The following OPCML variants were observed in gnomAD, a reference collection of about 807,000 sequenced individuals.
OPCML encodes opioid-binding protein/cell adhesion molecule.
OPCML carries 13 observed loss-of-function variants against 37.8 expected under a neutral mutation model. The ratio of observed to expected loss-of-function variants is 0.34; its 90% confidence interval spans 0.22 to 0.55. The LOEUF (loss-of-function observed/expected upper bound fraction) is 0.55, where lower values mean the gene tolerates loss of function less well. OPCML is among the 20% of genes least tolerant of loss of function. The pLI, the probability that OPCML is intolerant of heterozygous loss-of-function variation, is 0.91. For missense variants in OPCML, 341 were observed against 435.6 expected (o/e 0.78, Z 1.93); for synonymous variants, 176 against 168.8 (o/e 1.04, Z -0.33).
At chr11:132,583,480 T>A (rs907651291) in intron 3 of OPCML, among the ~76,000 whole-genome samples, 11 of 152,144 alleles carry the variant, frequency 7.2e-5, no homozygotes, top group African/African-American at 2.2e-4. Flanking sequence ...TTATTTTTTT[T>A]ATGAAATTGT....
In OPCML at chr11:132,909,927, T is replaced by C. The variant is rs574313134; in HGVS notation, c.146+32999A>G. Among the ~76,000 whole-genome samples, 3 of 152,358 alleles carry C rather than the reference T, an allele frequency of 2.0e-5. No individual in the cohort carries two copies. The South Asian group carries it at 6.2e-4, about 32-fold the overall frequency. ...AATAACCCTGGATTATTGTGTCGTG[T>C]TATTACATTTATAAAATGGCATTTC... On this transcript the variant is annotated intron_variant, in intron 2 of 7. Coordinates refer to ENST00000524381, the MANE Select transcript of OPCML (RefSeq NM_001012393.5).
intron 1 of OPCML, among the ~76,000 whole-genome samples, chr11:133,234,415 C>T (rs955474331): frequency 2.0e-5 from 3 of 152,182 alleles, no homozygotes; most frequent in Admixed American, 6.5e-5. Context: ...CCTTTTTAAA[C>T]CTAACCACCA....
intron 1 of OPCML, among the ~76,000 whole-genome samples, chr11:133,503,358 G>A (rs944662674): frequency 9.2e-5 from 14 of 152,028 alleles, no homozygotes; most frequent in Admixed American, 6.6e-4. Flanking sequence ...CAGGGTCAGC[G>A]GAGTTTAAAC....
intron 4 of OPCML, among the ~76,000 whole-genome samples, chr11:132,466,461 GC>G (rs2096120367): frequency 6.6e-6 from 1 of 151,322 alleles, no homozygotes; most frequent in African/African-American, 2.4e-5. Flanking sequence ...TCCAGCCTGG[GC>G]GACACAGCGA....
chr11:133,214,050 T>C (rs1939485219), intron 1 of OPCML, among the ~76,000 whole-genome samples: 1 of 152,206 alleles, frequency 6.6e-6, no homozygotes, highest in South Asian at 2.1e-4. Flanking sequence ...TATTTGTTTT[T>C]ATAATATACA....
At chr11:132,558,776 C>T (rs958772890) in intron 3 of OPCML, among the ~76,000 whole-genome samples, 1 of 151,952 alleles carries the variant, frequency 6.6e-6, no homozygotes, top group Non-Finnish European at 1.5e-5. Context: ...CCCATCTTTA[C>T]AATCCTAACC....
At chr11:132,970,163 C>T (rs1458536142) in intron 1 of OPCML, among the ~76,000 whole-genome samples, 1 of 152,256 alleles carries the variant, frequency 6.6e-6, no homozygotes, top group East Asian at 1.9e-4. Context: ...CCAAGTGCAT[C>T]GAGGCCCCTC....
chr11:133,226,958 G>A (rs1246277924), intron 1 of OPCML, among the ~76,000 whole-genome samples: 1 of 152,224 alleles, frequency 6.6e-6, no homozygotes, highest in Non-Finnish European at 1.5e-5. Flanking sequence ...GGGATTGATA[G>A]TGATTCCAAA....
chr11:133,419,296 T>A, intron 1 of OPCML: 2 of 985,390 alleles, frequency 2.0e-6, no homozygotes, highest in Non-Finnish European at 2.4e-6. Context: ...AACCTCGAGA[T>A]GTCTGGTGTA....
chr11:133,203,256 C>G (rs7936936), intron 1 of OPCML, among the ~76,000 whole-genome samples: 1 of 152,130 alleles, frequency 6.6e-6, no homozygotes, highest in Non-Finnish European at 1.5e-5. Flanking sequence ...CATCTGAAAC[C>G]GGGATAATAA....
At chr11:133,464,102 G>A (rs1383380253) in intron 1 of OPCML, among the ~76,000 whole-genome samples, 1 of 152,006 alleles carries the variant, frequency 6.6e-6, no homozygotes, top group Non-Finnish European at 1.5e-5. Context: ...AATCCATCCT[G>A]CACACCTGCA....
intron 1 of OPCML, among the ~76,000 whole-genome samples, chr11:133,337,459 A>G (rs1042849294): frequency 1.2e-4 from 18 of 152,322 alleles, no homozygotes; most frequent in African/African-American, 4.3e-4. Context: ...CTGCAGGGCC[A>G]GTAACAACAG....
At chr11:132,538,833 A>C (rs1471713116) in intron 3 of OPCML, among the ~76,000 whole-genome samples, 1 of 152,092 alleles carries the variant, frequency 6.6e-6, no homozygotes, top group Non-Finnish European at 1.5e-5. Context: ...CAAATACCTC[A>C]TGTTAATTCA....
At chr11:133,340,150 G>A (rs1565580941) in intron 1 of OPCML, among the ~76,000 whole-genome samples, 1 of 152,214 alleles carries the variant, frequency 6.6e-6, no homozygotes, top group Non-Finnish European at 1.5e-5. Flanking sequence ...GATTGCAGTA[G>A]GACATCACCT....
At chr11:133,518,290 G>A (rs1252189794) in intron 1 of OPCML, among the ~76,000 whole-genome samples, 1 of 148,052 alleles carries the variant, frequency 6.8e-6, no homozygotes, top group Non-Finnish European at 1.5e-5. Context: ...AGCAAAGTAT[G>A]TATGTGTGTA....
At chr11:132,685,528 AAGG>A (rs1170945395) in intron 2 of OPCML, among the ~76,000 whole-genome samples, 1 of 152,172 alleles carries the variant, frequency 6.6e-6, no homozygotes, top group Non-Finnish European at 1.5e-5. Context: ...AAAAACCACA[AAGG>A]AGAAGACACA....
At chr11:132,740,624 A>G (rs1945406344) in intron 2 of OPCML, among the ~76,000 whole-genome samples, 1 of 152,110 alleles carries the variant, frequency 6.6e-6, no homozygotes, top group African/African-American at 2.4e-5. Context: ...AGTGATTCCC[A>G]AAGTCTGTTT....
chr11:133,336,364 G>GAA (rs367989412), intron 1 of OPCML, among the ~76,000 whole-genome samples: 1 of 146,226 alleles, frequency 6.8e-6, no homozygotes. Flanking sequence ...CCACTAATGG[G>GAA]AAAAAAAAAA....
intron 2 of OPCML, among the ~76,000 whole-genome samples, chr11:132,681,816 G>A (rs1266122320): frequency 6.6e-6 from 1 of 152,026 alleles, no homozygotes; most frequent in Non-Finnish European, 1.5e-5. Flanking sequence ...ATTAGCTGGG[G>A]TGGTGGCGGG....
Sources: allele counts gnomAD v4.1 joint callset (sites outside exome capture counted in the v4.1 genomes callset), GRCh38; gene constraint gnomAD v4.1.1; transcripts MANE v1.5; gene names NCBI Gene and HGNC (gene_info 2026-07-23, HGNC 2026-07-21).